LRRTM4: variants seen among roughly 807,000 people sequenced by gnomAD.
LRRTM4 encodes the protein leucine rich repeat transmembrane neuronal 4, also known as leucine-rich repeat transmembrane neuronal protein 4.
Under a neutral mutation model 47.6 loss-of-function variants are expected in LRRTM4, and 25 were observed. The ratio of observed to expected loss-of-function variants is 0.53; its 90% CI spans 0.38 to 0.73. The LOEUF is 0.73. LRRTM4 is among the 30% of genes least tolerant of loss of function. The pLI, the probability that LRRTM4 is intolerant of heterozygous loss-of-function variation, is 0.00. For missense variants in LRRTM4, 638 were observed against 713.4 expected (o/e 0.89, Z 1.20); for synonymous variants, 311 against 269.5 (o/e 1.15, Z -1.51).
intron 3 of LRRTM4, among the ~76,000 whole-genome samples, chr2:77,164,150 G>C (rs1032110165): frequency 2.0e-5 from 3 of 152,042 alleles, no homozygotes; most frequent in East Asian, 3.9e-4. Context: ...ACAAAAGCAG[G>C]GGTTGCAATC....
intron 3 of LRRTM4, among the ~76,000 whole-genome samples, chr2:77,188,204 C>T (rs1056361153): frequency 6.6e-6 from 1 of 152,066 alleles, no homozygotes; most frequent in Non-Finnish European, 1.5e-5. Flanking sequence ...TGGTCTAAGG[C>T]TCATTCCTTC....
intron 3 of LRRTM4, among the ~76,000 whole-genome samples, chr2:77,103,913 G>A (rs978437776): frequency 1.3e-5 from 2 of 151,916 alleles, no homozygotes; most frequent in African/African-American, 2.4e-5. Flanking sequence ...ATTCAATGAA[G>A]ACAAAGAGAA....
intron 3 of LRRTM4, among the ~76,000 whole-genome samples, chr2:77,021,905 C>T (rs1390988540): frequency 6.6e-6 from 1 of 152,160 alleles, no homozygotes; most frequent in Non-Finnish European, 1.5e-5. Context: ...TATCACCACT[C>T]ATGCTGTATC....
intron 3 of LRRTM4, among the ~76,000 whole-genome samples, chr2:77,169,335 A>T (rs1001766587): frequency 6.6e-6 from 1 of 152,102 alleles, no homozygotes; most frequent in Non-Finnish European, 1.5e-5. Flanking sequence ...ATGACTGAAC[A>T]TTTCTATTTT....
At chr2:76,829,736 T>C (rs1379363080) in intron 3 of LRRTM4, among the ~76,000 whole-genome samples, 1 of 152,038 alleles carries the variant, frequency 6.6e-6, no homozygotes, top group Non-Finnish European at 1.5e-5. Flanking sequence ...TTTATGTGCC[T>C]TCAGAATGTA....
chr2:77,017,098 A>G (rs1678098181), intron 3 of LRRTM4, among the ~76,000 whole-genome samples: 1 of 152,178 alleles, frequency 6.6e-6, no homozygotes, highest in Non-Finnish European at 1.5e-5. Context: ...CACTTTGCTC[A>G]TTGTTTGATA....
At chr2:76,863,127 T>C (rs1672367781) in intron 3 of LRRTM4, among the ~76,000 whole-genome samples, 1 of 152,154 alleles carries the variant, frequency 6.6e-6, no homozygotes, top group South Asian at 2.1e-4. Context: ...TCTTCTATTA[T>C]TTGTGGACTT....
rs79005446 is a variant in LRRTM4 at position 76,806,110 on chromosome 2, A to G, written c.1552-57194T>C. 1.4e-4 allele frequency among the ~76,000 whole-genome samples: 21 copies of G among 152,328 alleles called. No individual in the cohort carries two copies. In the East Asian group the frequency reaches 4.0e-3, roughly 29 times the overall value. Reference sequence around the variant, plus strand: ...ATATTGAAAGCAGAATACAAAACTTAGAAACATATTTAAGCACAATAAGAA... The same window carrying G: ...ATATTGAAAGCAGAATACAAAACTTGGAAACATATTTAAGCACAATAAGAA... On this transcript the variant is annotated intron_variant, in intron 3 of 3. Coordinates refer to ENST00000409884, the MANE Select transcript of LRRTM4 (RefSeq NM_001134745.3).
intron 3 of LRRTM4, among the ~76,000 whole-genome samples, chr2:77,194,258 A>T (rs1673754692): frequency 6.6e-6 from 1 of 152,170 alleles, no homozygotes; most frequent in African/African-American, 2.4e-5. Context: ...TTCTGAAATA[A>T]ATACCTCTAG....
At chr2:76,921,610 T>A (rs886795961) in intron 3 of LRRTM4, among the ~76,000 whole-genome samples, 2 of 152,160 alleles carry the variant, frequency 1.3e-5, no homozygotes, top group Non-Finnish European at 2.9e-5. Flanking sequence ...CATTTATTTA[T>A]CCCATCTTTT....
At chr2:77,141,517 T>A (rs1672122537) in intron 3 of LRRTM4, among the ~76,000 whole-genome samples, 1 of 151,972 alleles carries the variant, frequency 6.6e-6, no homozygotes, top group Admixed American at 6.5e-5. Context: ...ATATACCTAA[T>A]GTAAATGATG....
At chr2:76,954,058 G>A (rs1240290195) in intron 3 of LRRTM4, among the ~76,000 whole-genome samples, 1 of 151,870 alleles carries the variant, frequency 6.6e-6, no homozygotes, top group East Asian at 2.0e-4. Context: ...AGCCCTCAGA[G>A]TCTCTAGCCA....
At chr2:76,783,019 T>TGGCTGAACAAGA (rs1674483981) in intron 3 of LRRTM4, among the ~76,000 whole-genome samples, 1 of 152,158 alleles carries the variant, frequency 6.6e-6, no homozygotes, top group Non-Finnish European at 1.5e-5. Context: ...TATATATATA[T>TGGCTGAACAAGA]ATAAAGCTGA....
At chr2:76,937,801 C>T (rs896369564) in intron 3 of LRRTM4, among the ~76,000 whole-genome samples, 1 of 152,036 alleles carries the variant, frequency 6.6e-6, no homozygotes, top group Non-Finnish European at 1.5e-5. Context: ...CTCGTGATCT[C>T]GTGATCCGCC....
At chr2:76,956,264 G>C (rs1164886765) in intron 3 of LRRTM4, among the ~76,000 whole-genome samples, 6 of 151,570 alleles carry the variant, frequency 4.0e-5, no homozygotes, top group African/African-American at 1.2e-4. Context: ...GACCACAGTG[G>C]AAGGAAACTA....
intron 3 of LRRTM4, among the ~76,000 whole-genome samples, chr2:77,244,692 C>G (rs1675382040): frequency 6.6e-6 from 1 of 152,064 alleles, no homozygotes; most frequent in South Asian, 2.1e-4. Context: ...TATGGAAAAT[C>G]ATTTTTAAGA....
intron 3 of LRRTM4, among the ~76,000 whole-genome samples, chr2:77,485,878 G>T (rs889758046): frequency 6.6e-6 from 1 of 151,286 alleles, no homozygotes; most frequent in East Asian, 1.9e-4. Context: ...CTACAGGCAT[G>T]CACCACCACA....
chr2:77,489,600 A>T (rs916495299), intron 3 of LRRTM4, among the ~76,000 whole-genome samples: 4 of 152,246 alleles, frequency 2.6e-5, no homozygotes, highest in Non-Finnish European at 5.9e-5. Context: ...GTGCTTAAGA[A>T]TAATTATTTT....
At chr2:77,361,121 A>G (rs1672192068) in intron 3 of LRRTM4, among the ~76,000 whole-genome samples, 1 of 151,856 alleles carries the variant, frequency 6.6e-6, no homozygotes. Context: ...ATATGTCCCT[A>G]GTTGGTTCTT....
Sources: gnomAD v4.1 joint callset for allele counts (sites outside exome capture counted in the v4.1 genomes callset) on GRCh38, gnomAD v4.1.1 for gene constraint, MANE v1.5 for transcripts, NCBI Gene and HGNC (gene_info 2026-07-23, HGNC 2026-07-21) for gene names.